The following CHD1 variants were observed in gnomAD, a reference collection of about 807,000 sequenced individuals.
The protein encoded by CHD1 is chromodomain helicase DNA binding protein 1.
CHD1 carries 36 observed loss-of-function variants against 224.2 expected under a neutral mutation model. That is an observed-to-expected ratio of 0.16 (90% CI 0.12 to 0.21). The LOEUF (loss-of-function observed/expected upper bound fraction) is 0.21. CHD1 is among the 10% of genes least tolerant of loss of function. The pLI, the probability that CHD1 is intolerant of heterozygous loss-of-function variation, is 1.00. For synonymous variants in CHD1, 668 were observed against 658.3 expected (o/e 1.01, Z -0.23); for missense variants, 1,378 against 1,994.8 (o/e 0.69, Z 5.89).
At chr5:98,901,940 C>G (rs537412756) in intron 5 of CHD1, among the ~76,000 whole-genome samples, 1 of 152,060 alleles carries the variant, frequency 6.6e-6, no homozygotes, top group Non-Finnish European at 1.5e-5. Flanking sequence ...TACAAATACA[C>G]TATATCCTAT....
chr5:98,870,954 A>AT (rs1242694112), intron 28 of CHD1, 151 bp from the exon 29 acceptor site: 1 of 439,080 alleles, frequency 2.3e-6, no homozygotes, highest in Non-Finnish European at 3.9e-6. Flanking sequence ...TGCAAAATGT[A>AT]TTTTTTATAC....
rs201584139 is a variant in CHD1, at chr5:98,869,624, A to G, written c.4107+130T>C. 2,537 of 288,496 alleles carry G rather than the reference A, an allele frequency of 8.8e-3. 6 individuals carry two copies. Among genetic ancestry groups the G allele is most frequent in the East Asian group, 0.025 (295 of 11,784 alleles). The allele number at this position is 288,496 out of a possible 1,614,324, so 17.9% of individuals were successfully genotyped here. A position where few individuals can be genotyped will look rare whatever the true frequency, so the allele number is the denominator to read the frequency against. ...TAAGTGCGTGCGCACGTGCGCGCGC[A>G]CACACACACACACACACACACACAC... On this transcript the variant is annotated intron_variant, in intron 30 of 35. Transcript: ENST00000614616.
intron 2 of CHD1, among the ~76,000 whole-genome samples, chr5:98,911,611 C>G (rs926129607): frequency 1.3e-5 from 2 of 152,106 alleles, no homozygotes; most frequent in Non-Finnish European, 2.9e-5. Context: ...AATGTAGCAT[C>G]ACTAATAGGG....
intron 4 of CHD1, 42 bp from the exon 5 acceptor site, chr5:98,903,006 A>G (rs755769220): frequency 1.2e-5 from 14 of 1,214,530 alleles, no homozygotes; most frequent in Middle Eastern, 2.0e-4. Flanking sequence ...ACTAATGATT[A>G]GAATTTAACC....
At chr5:98,910,367 A>G (rs1054265813) in intron 2 of CHD1, among the ~76,000 whole-genome samples, 1 of 152,194 alleles carries the variant, frequency 6.6e-6, no homozygotes, top group African/African-American at 2.4e-5. Context: ...ACTCACTTCT[A>G]CAGTCAAATA....
chr5:98,885,313 A>G (rs1025146282), intron 18 of CHD1, among the ~76,000 whole-genome samples: 3 of 152,052 alleles, frequency 2.0e-5, no homozygotes, highest in African/African-American at 7.2e-5. Context: ...AATAGCTTGA[A>G]CCTGGGAGGC....
intron 31 of CHD1, among the ~76,000 whole-genome samples, chr5:98,866,747 T>A (rs944406965): frequency 6.6e-6 from 1 of 152,136 alleles, no homozygotes; most frequent in African/African-American, 2.4e-5. Flanking sequence ...ACATGACACA[T>A]CTATATATCA....
At position 98,928,343 on chromosome 5, in the gene CHD1, C is replaced by T. The variant is rs1753633384; in HGVS notation, c.-149+196G>A. 3.9e-5 allele frequency among the ~76,000 whole-genome samples: 6 copies of T among 152,160 alleles called. No individual in the cohort carries two copies. In the South Asian group the frequency reaches 1.2e-3, roughly 32 times the overall value. ...CGGGCCGGCGCAAGGATGCGTTCTGCGGCCCCGGCCTGTACTCGCCGCTCA... is the reference window on the plus strand; with the variant it reads ...CGGGCCGGCGCAAGGATGCGTTCTGTGGCCCCGGCCTGTACTCGCCGCTCA... On this transcript the variant is annotated intron_variant, in intron 1 of 35. Coordinates refer to ENST00000614616, the MANE Select transcript of CHD1 (RefSeq NM_001270.4).
rs2112483393 is a variant in CHD1 at position 98,894,632 on chromosome 5, A to G, written c.1765T>C (p.Leu589=). Residue 589 remains leucine (L), a synonymous_variant, in exon 13 of 36, where the codon TTG becomes CTG. Coordinates refer to ENST00000614616, the MANE Select transcript of CHD1 (RefSeq NM_001270.4). ...HQTKRLKFNI[L]LTTYEILLKD... ...AATAAAATTTCATAAGTTGTTAACAATATATTAAATTTTAACCGTTTGGTC... is the reference window on the plus strand; with the variant it reads ...AATAAAATTTCATAAGTTGTTAACAGTATATTAAATTTTAACCGTTTGGTC... 1 of 1,456,992 alleles carries G rather than the reference A, an allele frequency of 6.9e-7. No individual in the cohort carries two copies. Among genetic ancestry groups the G allele is most frequent in the South Asian group, 1.2e-5 (1 of 80,460 alleles). 90.3% of individuals were successfully genotyped at this position (1,456,992 alleles called of 1,614,324 possible). A position where few individuals can be genotyped will look rare whatever the true frequency, so the allele number is the denominator to read the frequency against.
chr5:98,922,270 C>T (rs1753148035), intron 2 of CHD1, among the ~76,000 whole-genome samples: 2 of 152,210 alleles, frequency 1.3e-5, no homozygotes. Context: ...AATCTTCCAG[C>T]ATTATCTTTA....
intron 15 of CHD1, among the ~76,000 whole-genome samples, chr5:98,890,968 T>C (rs886431929): frequency 6.6e-6 from 1 of 152,140 alleles, no homozygotes; most frequent in Admixed American, 6.5e-5. Flanking sequence ...GTAAAAAAAT[T>C]TTTTGAGACA....
At chr5:98,909,849 T>G (rs1752277352) in intron 2 of CHD1, among the ~76,000 whole-genome samples, 1 of 152,156 alleles carries the variant, frequency 6.6e-6, no homozygotes, top group South Asian at 2.1e-4. Context: ...TTCCAAACTC[T>G]CCCATCTTTT....
chr5:98,903,128 C>T (rs1193837997), intron 4 of CHD1, among the ~76,000 whole-genome samples, 164 bp from the exon 5 acceptor site: 1 of 152,096 alleles, frequency 6.6e-6, no homozygotes, highest in Non-Finnish European at 1.5e-5. Context: ...AAAGTAATAA[C>T]ATTTTTATTG....
chr5:98,865,666 G>A (rs1336107452), intron 31 of CHD1, among the ~76,000 whole-genome samples: 1 of 152,156 alleles, frequency 6.6e-6, no homozygotes, highest in Non-Finnish European at 1.5e-5. Context: ...GCCAAATGAA[G>A]CAAATATGTT....
At chr5:98,911,176 T>TATAG (rs1561540185) in intron 2 of CHD1, among the ~76,000 whole-genome samples, 1 of 122,974 alleles carries the variant, frequency 8.1e-6, no homozygotes, top group African/African-American at 3.1e-5. Context: ...TATATATATA[T>TATAG]AGAGGCATGT....
intron 31 of CHD1, among the ~76,000 whole-genome samples, chr5:98,866,806 G>C (rs903756876): frequency 2.0e-5 from 3 of 152,014 alleles, no homozygotes; most frequent in African/African-American, 7.2e-5. Flanking sequence ...ACATTTCCTA[G>C]TCCTAGTTAA....
intron 31 of CHD1, among the ~76,000 whole-genome samples, chr5:98,864,089 T>C (rs1219664454): frequency 1.3e-5 from 2 of 152,056 alleles, no homozygotes; most frequent in Non-Finnish European, 2.9e-5. Flanking sequence ...TTTTGGGTGG[T>C]TGGGGAGTAG....
intron 33 of CHD1, among the ~76,000 whole-genome samples, chr5:98,859,578 T>C (rs1161319624): frequency 2.6e-5 from 4 of 152,114 alleles, no homozygotes; most frequent in African/African-American, 9.7e-5. Flanking sequence ...TTTCACATAA[T>C]AACACATATA....
rs368823885 is a variant in CHD1, at chr5:98,872,484, T to G, written c.3643A>C (p.Ile1215Leu). 6.2e-6 allele frequency: 10 copies of G among 1,613,350 alleles called. No homozygotes were observed. The highest frequency in any genetic ancestry group is 1.3e-5 in the African/African-American group (1 of 74,900). The change falls in exon 27 of 36, where the codon ATC (isoleucine) becomes CTC (leucine). Residue 1215 changes from isoleucine to leucine, a missense_variant. Physicochemically the swap from Ile to Leu is conservative, Grantham distance 5. Around this residue, in one of 16 missense-constraint regions of CHD1, gnomAD observed 286 missense variants for 445.1 expected, o/e 0.64. Transcript: ENST00000614616. ...SGVQVNAKLVISHEEELIPLH... is the reference protein window; with the variant it reads ...SGVQVNAKLVLSHEEELIPLH... ...GGTATTAATTCTTCTTCATGGGAGA[T>G]GACTAGTTTGGCATTCACCTGTACT... is the stretch of plus-strand genomic sequence containing the variant.
Sources: gnomAD v4.1 joint callset for allele counts (sites outside exome capture counted in the v4.1 genomes callset) on GRCh38, gnomAD v4.1.1 for gene constraint, gnomAD v4.1.1 regional missense constraint, MANE v1.5 for transcripts, NCBI Gene and HGNC (gene_info 2026-07-23, HGNC 2026-07-21) for gene names.